BRD3: variants seen among roughly 807,000 people sequenced by gnomAD.
The protein encoded by BRD3 is bromodomain-containing protein 3.
BRD3 carries 17 observed loss-of-function variants against 66.8 expected under a neutral mutation model. That is an observed-to-expected ratio of 0.25 (90% CI 0.17 to 0.38). BRD3 has a LOEUF of 0.38. BRD3 is among the 10% of genes least tolerant of loss of function. The pLI is 1.00. For synonymous variants in BRD3, 421 were observed against 393.2 expected (o/e 1.07, Z -0.84); for missense variants, 713 against 956.1 (o/e 0.75, Z 3.35).
At position 134,032,223 on chromosome 9, in the gene BRD3, T is replaced by C. The variant is rs1843520971; in HGVS notation, c.*1367A>G. 1 of 214,878 alleles carries C rather than the reference T, an allele frequency of 4.7e-6. No individual in the cohort carries two copies. Among genetic ancestry groups the C allele is most frequent in the African/African-American group, 2.3e-5 (1 of 44,200 alleles). 13.3% of individuals were successfully genotyped at this position (214,878 alleles called of 1,614,324 possible). On this transcript the variant is annotated 3_prime_UTR_variant, in exon 12 of 12. Coordinates refer to ENST00000303407, the MANE Select transcript of BRD3 (RefSeq NM_007371.4). ...TTAAACTCTGTATATTATTATTTTT[T>C]ACAATAGAAAGTTAAAAATCAAGAC...
At chr9:134,037,310 G>A (rs556858671) in intron 9 of BRD3, among the ~76,000 whole-genome samples, 4 of 152,292 alleles carry the variant, frequency 2.6e-5, no homozygotes, top group South Asian at 2.1e-4. Flanking sequence ...GGTGGCTCAC[G>A]CCTATAATCC....
chr9:134,046,652 A>G (rs1157258263), intron 6 of BRD3, among the ~76,000 whole-genome samples: 1 of 152,160 alleles, frequency 6.6e-6, no homozygotes, highest in Non-Finnish European at 1.5e-5. Flanking sequence ...CAAAAGCTCC[A>G]TCTGTATAAT....
chr9:134,044,707 C>CCA (rs149512400), intron 7 of BRD3, among the ~76,000 whole-genome samples: 12 of 151,834 alleles, frequency 7.9e-5, no homozygotes, highest in East Asian at 1.9e-4. Context: ...GCACACACGT[C>CCA]CACACACACA....
rs770591116 is a variant in BRD3, at chr9:134,053,250, GCAGCA to G, written c.213+10_213+14del. 6.2e-7 allele frequency: 1 copy of G among 1,612,864 alleles called. No homozygotes were observed. Among genetic ancestry groups the G allele is most frequent in the South Asian group, 1.1e-5 (1 of 91,082 alleles). On this transcript the variant is annotated intron_variant, in intron 2 of 11. Coordinates refer to ENST00000303407, the MANE Select transcript of BRD3 (RefSeq NM_007371.4). ...GCAGCAGAACGTGGCTCTTGGGGAG[GCAGCA>G]GCTACGCACCGGCAGGTTCAATTTG...
At chr9:134,059,639 C>T (rs749461268) in intron 1 of BRD3, among the ~76,000 whole-genome samples, 4 of 152,334 alleles carry the variant, frequency 2.6e-5, no homozygotes, top group Non-Finnish European at 5.9e-5. Context: ...CCACAGGGAC[C>T]CTGGACACTG....
intron 5 of BRD3, among the ~76,000 whole-genome samples, chr9:134,049,534 G>A (rs532536073): frequency 6.6e-5 from 10 of 152,222 alleles, no homozygotes; most frequent in South Asian, 2.1e-4. Context: ...GGATAGGAGC[G>A]GGGACAGACT....
At chr9:134,038,785 T>TCAGATTTGAGATGCTC (rs1342073369) in intron 9 of BRD3, among the ~76,000 whole-genome samples, 17 of 152,302 alleles carry the variant, frequency 1.1e-4, no homozygotes, top group African/African-American at 4.1e-4. Flanking sequence ...TTGAGATGCT[T>TCAGATTTGAGATGCTC]CAGATTTGAG....
intron 1 of BRD3, among the ~76,000 whole-genome samples, chr9:134,062,098 G>A (rs1331105304): frequency 6.6e-6 from 1 of 152,210 alleles, no homozygotes; most frequent in East Asian, 1.9e-4. Context: ...GAGAAGTCGG[G>A]GGTTGGGGGC....
chr9:134,050,287 G>A (rs1830261679), intron 5 of BRD3, 87 bp downstream of exon 5: 1 of 1,352,014 alleles, frequency 7.4e-7, no homozygotes, highest in Non-Finnish European at 1.0e-6. Flanking sequence ...GGGAAAGGTG[G>A]GGGCCCCCCG....
chr9:134,066,325 G>C (rs1249974231), intron 1 of BRD3, among the ~76,000 whole-genome samples: 1 of 152,184 alleles, frequency 6.6e-6, no homozygotes, highest in Non-Finnish European at 1.5e-5. Flanking sequence ...ACCCATCAAG[G>C]CCTCAACAGA....
chr9:134,033,832 C>A lies in BRD3; in HGVS notation c.2066-127G>T. The stretch of plus-strand genomic sequence containing the variant: ...CGACCCACCCACTTCCTGACCCAGT[C>A]GTTTAATAAGTATTTATTGAAATTA... On this transcript the variant is annotated intron_variant, in intron 11 of 11. Transcript: ENST00000303407. This position sits in a 1 kb window ranked among gnomAD's most constrained non-coding sequence, Gnocchi z 5.1. 3.4e-6 allele frequency: 2 copies of A among 586,222 alleles called. No homozygotes were observed. The highest frequency in any genetic ancestry group is 2.8e-5 in the East Asian group (1 of 35,188). The allele number at this position is 586,222 out of a possible 1,614,324, so 36.3% of individuals were successfully genotyped here.
intron 2 of BRD3, among the ~76,000 whole-genome samples, chr9:134,052,897 A>C (rs1360203421): frequency 1.3e-5 from 2 of 152,166 alleles, no homozygotes; most frequent in African/African-American, 4.8e-5. Context: ...GCCTCAACAT[A>C]CACTCGGCCT....
intron 1 of BRD3, chr9:134,056,911 G>C (rs1026932093): frequency 2.6e-5 from 4 of 152,348 alleles, no homozygotes; most frequent in African/African-American, 9.6e-5. Context: ...GGACAGGCTA[G>C]AGCCACAGCC....
intron 1 of BRD3, among the ~76,000 whole-genome samples, chr9:134,054,845 G>A (rs1045559750): frequency 6.6e-5 from 10 of 151,952 alleles, no homozygotes; most frequent in South Asian, 6.2e-4. Context: ...GCTCAATGTC[G>A]TCAGCACCCT....
rs1023427205 is a variant in BRD3, at chr9:134,048,092, G to A, written c.1077C>T (p.Ser359=). ...HDIIKHPMDL[S]TVKRKMDGRE... ...CCGCGCGGCCACGTACTTTCACGGT[G>A]CTGAGGTCCATCGGGTGCTTGATGA... The change falls in exon 6 of 12, where the codon AGC becomes AGT. Residue 359 remains serine (S), a synonymous_variant. Transcript: ENST00000303407. 5.1e-6 allele frequency: 8 copies of A among 1,577,538 alleles called. No individual in the cohort carries two copies. The highest frequency in any genetic ancestry group is 1.2e-5 in the South Asian group (1 of 85,330).
At chr9:134,065,731 A>G (rs1209252015) in intron 1 of BRD3, among the ~76,000 whole-genome samples, 1 of 152,026 alleles carries the variant, frequency 6.6e-6, no homozygotes, top group Non-Finnish European at 1.5e-5. Context: ...CAATCACCCC[A>G]CTTGGGAAAC....
At chr9:134,055,269 G>C (rs912829860) in intron 1 of BRD3, among the ~76,000 whole-genome samples, 1 of 152,218 alleles carries the variant, frequency 6.6e-6, no homozygotes, top group Non-Finnish European at 1.5e-5. Flanking sequence ...TCAAGTCACC[G>C]GTCTGCTCAA....
Position 134,050,284 on chromosome 9 carries a change from G to C in BRD3, c.714+90C>G, listed in dbSNP as rs1302271694. The C allele has an allele frequency of 5.4e-6, 7 of 1,305,238 alleles. No homozygotes were observed. The Admixed American group carries it at 9.9e-5, about 18-fold the overall frequency. 80.9% of individuals were successfully genotyped at this position (1,305,238 alleles called of 1,614,324 possible). ...CCCAAGAGCCAGCACTCAGGGAAAG[G>C]TGGGGGCCCCCCGCCTGCTGCTCCT... On this transcript the variant is annotated intron_variant, in intron 5 of 11. Transcript: ENST00000303407.
intron 1 of BRD3, among the ~76,000 whole-genome samples, chr9:134,059,810 G>A (rs773824302): frequency 2.0e-4 from 30 of 152,322 alleles, no homozygotes; most frequent in Admixed American, 1.4e-3. Flanking sequence ...TTTGCTGTGC[G>A]GGCAAGGCCC....
Sources: gnomAD v4.1 joint callset for allele counts (sites outside exome capture counted in the v4.1 genomes callset) on GRCh38, gnomAD v4.1.1 for gene constraint, Gnocchi (gnomAD v3.1) non-coding constraint, MANE v1.5 for transcripts, NCBI Gene and HGNC (gene_info 2026-07-23, HGNC 2026-07-21) for gene names.